Variants in DNAH7 observed in about 807,000 individuals in gnomAD.
DNAH7 encodes axonemal beta dynein heavy chain 7.
Under a neutral mutation model 444.6 loss-of-function variants are expected in DNAH7, and 397 were observed. That is an observed-to-expected ratio of 0.89 (90% confidence interval 0.82 to 0.97). The LOEUF is 0.97. DNAH7 is among the 50% of genes least tolerant of loss of function. The pLI is 0.00. For synonymous variants in DNAH7, 1,636 were observed against 1,624.4 expected (o/e 1.01, Z -0.17); for missense variants, 4,902 against 4,800.8 (o/e 1.02, Z -0.62).
In DNAH7 at chr2:195,926,575, A is replaced by G. The variant is rs1201998301; in HGVS notation, c.3472-9T>C. On this transcript the variant is annotated splice_polypyrimidine_tract_variant and intron_variant, in intron 21 of 64. Transcript: ENST00000312428. ...GTTGCATCTCCAGTTACCTAATCAA[A>G]AAAGAATATGCTAAATATTAACCAT... The G allele has an allele frequency of 2.5e-6, 4 of 1,583,052 alleles. No homozygotes were observed. The highest frequency in any genetic ancestry group is 1.4e-5 in the African/African-American group (1 of 73,246).
intron 58 of DNAH7, among the ~76,000 whole-genome samples, chr2:195,778,385 C>T (rs976244740): frequency 1.3e-4 from 19 of 151,314 alleles, no homozygotes; most frequent in Middle Eastern, 6.8e-3. Flanking sequence ...CAACTGTAAT[C>T]CCAGCACTTT....
At chr2:195,848,069 A>G (rs910423445) in intron 46 of DNAH7, among the ~76,000 whole-genome samples, 3 of 152,196 alleles carry the variant, frequency 2.0e-5, no homozygotes, top group African/African-American at 7.2e-5. Context: ...GGGAAGGTGG[A>G]TATGTATGGT....
chr2:196,047,632 T>TG, intron 4 of DNAH7, 133 bp from the exon 5 acceptor site: 1 of 673,114 alleles, frequency 1.5e-6, no homozygotes, highest in Admixed American at 4.0e-5. Flanking sequence ...TAAGTATAAT[T>TG]TTTTTTTTTT....
chr2:195,765,504 T>C (rs1229957108), intron 61 of DNAH7, among the ~76,000 whole-genome samples: 3 of 152,128 alleles, frequency 2.0e-5, no homozygotes, highest in Non-Finnish European at 4.4e-5. Context: ...AACCAGAATA[T>C]ATAAGATGGT....
chr2:196,036,349 C>T (rs1696390539), intron 5 of DNAH7, among the ~76,000 whole-genome samples: 1 of 152,006 alleles, frequency 6.6e-6, no homozygotes, highest in Non-Finnish European at 1.5e-5. Context: ...ATTCTTAAGG[C>T]CCCACTGACA....
chr2:195,894,832 C>G, intron 30 of DNAH7, 144 bp downstream of exon 30: 1 of 843,192 alleles, frequency 1.2e-6, no homozygotes, highest in East Asian at 3.1e-5. Flanking sequence ...CTTCATTTTA[C>G]TTTTCTAAAA....
rs759286413 is a variant in DNAH7, at chr2:195,864,442, CTTTAA to C, written c.7208_7212del (p.Ile2403ArgfsTer10). ...CTGACATCTTCCAGAAAAGACTCTT[CTTTAA>C]TTTGAGTATCTGTAAACAGGAAGAC... On this transcript the variant is annotated frameshift_variant, in exon 41 of 65. Coordinates refer to ENST00000312428, the MANE Select transcript of DNAH7 (RefSeq NM_018897.3). LOFTEE classifies it high-confidence loss of function. The C allele has an allele frequency of 1.2e-4, 193 of 1,614,084 alleles. No homozygotes were observed. The African/African-American group carries it at 1.7e-3, about 15-fold the overall frequency.
intron 10 of DNAH7, among the ~76,000 whole-genome samples, chr2:196,004,939 G>A (rs890766773): frequency 7.0e-6 from 1 of 142,328 alleles, no homozygotes; most frequent in African/African-American, 2.7e-5. Flanking sequence ...GTCCTGCCTG[G>A]GCAACAGCAT....
Position 195,799,305 on chromosome 2 carries a change from A to G in DNAH7, c.10344T>C (p.Ala3448=), listed in dbSNP as rs771654534. ...ATCTATTGTAAGGTACCTGGTCATC[A>G]GCAAATTTTAGAAGGGCAGCCATGG... The part of the protein sequence containing the change: ...ADPMAALLKF[A]DDQGYGGSKL... Residue 3448 remains alanine, a synonymous_variant, in exon 55 of 65, where the codon GCT becomes GCC. Transcript: ENST00000312428. The G allele has an allele frequency of 1.3e-6, 2 of 1,583,940 alleles. No individual in the cohort carries two copies. The highest frequency in any genetic ancestry group is 2.4e-5 in the South Asian group (2 of 84,478).
chr2:195,944,680 A>C (rs546241085), intron 19 of DNAH7, among the ~76,000 whole-genome samples: 15 of 152,224 alleles, frequency 9.9e-5, no homozygotes, highest in Middle Eastern at 3.4e-3. Context: ...ATTACATTGA[A>C]ATTTGGTGAC....
chr2:195,780,522 G>A (rs1695320728), intron 58 of DNAH7, among the ~76,000 whole-genome samples: 1 of 152,116 alleles, frequency 6.6e-6, no homozygotes, highest in Admixed American at 6.5e-5. Flanking sequence ...GCCGAGGCAG[G>A]TAGATCACTG....
At chr2:195,790,465 TAA>T (rs201882584) in intron 57 of DNAH7, among the ~76,000 whole-genome samples, 17 of 129,034 alleles carry the variant, frequency 1.3e-4, no homozygotes, top group Admixed American at 1.5e-4. Context: ...TGGTACTGGT[TAA>T]AAAAAAAAAA....
At chr2:196,010,228 C>T (rs1360701187) in intron 10 of DNAH7, among the ~76,000 whole-genome samples, 1 of 151,822 alleles carries the variant, frequency 6.6e-6, no homozygotes, top group Non-Finnish European at 1.5e-5. Context: ...TGGCTCACTG[C>T]AACTTCCACC....
chr2:195,902,653 C>T (rs1441058044), intron 27 of DNAH7: 1 of 152,092 alleles, frequency 6.6e-6, no homozygotes, highest in South Asian at 2.1e-4. Flanking sequence ...GCACTGTTAG[C>T]AATACGGTTG....
intron 5 of DNAH7, among the ~76,000 whole-genome samples, chr2:196,042,119 T>G (rs1321665035): frequency 6.6e-6 from 1 of 152,018 alleles, no homozygotes; most frequent in African/African-American, 2.4e-5. Flanking sequence ...TTGGTGGGAA[T>G]GTAAATTAGT....
At chr2:195,836,168 A>G (rs1698362195) in intron 47 of DNAH7, among the ~76,000 whole-genome samples, 1 of 152,078 alleles carries the variant, frequency 6.6e-6, no homozygotes. Flanking sequence ...CACCATTACT[A>G]TTTGATTAGG....
intron 63 of DNAH7, among the ~76,000 whole-genome samples, chr2:195,751,199 G>A (rs1431831232): frequency 6.6e-6 from 1 of 152,192 alleles, no homozygotes; most frequent in Admixed American, 6.5e-5. Context: ...ATAATGGTAT[G>A]TTAGGCATCT....
chr2:195,794,302 A>C (rs1333327294), intron 57 of DNAH7, 36 bp downstream of exon 57: 2 of 1,608,498 alleles, frequency 1.2e-6, no homozygotes, highest in Non-Finnish European at 1.7e-6. Context: ...GAAGTGCTTT[A>C]CAGGGCCGAG....
intron 18 of DNAH7, among the ~76,000 whole-genome samples, chr2:195,958,789 T>C (rs1376446837): frequency 6.6e-6 from 1 of 152,142 alleles, no homozygotes; most frequent in Non-Finnish European, 1.5e-5. Flanking sequence ...GTCAACCCTA[T>C]GAGGTAAGGT....
Sources: gnomAD v4.1 joint callset for allele counts (sites outside exome capture counted in the v4.1 genomes callset) on GRCh38, gnomAD v4.1.1 for gene constraint, MANE v1.5 for transcripts, NCBI Gene and HGNC (gene_info 2026-07-23, HGNC 2026-07-21) for gene names.